PTCHD4: variants seen among roughly 807,000 people sequenced by gnomAD.
PTCHD4 encodes the protein patched domain containing 4, also known as patched domain-containing protein 4.
Under a neutral mutation model 58.1 loss-of-function variants are expected in PTCHD4, and 33 were observed. That is an observed-to-expected ratio of 0.57 (90% CI 0.43 to 0.76). The LOEUF is 0.76. PTCHD4 is among the 30% of genes least tolerant of loss of function. PTCHD4 has a pLI of 0.00. For synonymous variants in PTCHD4, 478 were observed against 409.6 expected, an observed-to-expected ratio of 1.17 and a Z score of -2.02; for missense variants, 1,058 against 1,027.1, an observed-to-expected ratio of 1.03 and a Z score of -0.41.
intron 3 of PTCHD4, among the ~76,000 whole-genome samples, chr6:48,051,349 G>A (rs867439180): frequency 2.6e-5 from 4 of 151,930 alleles, no homozygotes; most frequent in Non-Finnish European, 5.9e-5. Flanking sequence ...CTTAGCTATA[G>A]TTACTTCATA....
chr6:47,906,855 G>A (rs1263113234), intron 4 of PTCHD4, among the ~76,000 whole-genome samples: 1 of 151,998 alleles, frequency 6.6e-6, no homozygotes. Flanking sequence ...TCACTTTTGG[G>A]GAGCCCACTT....
chr6:48,093,472 G>A (rs1765405402), intron 1 of PTCHD4, among the ~76,000 whole-genome samples: 1 of 151,916 alleles, frequency 6.6e-6, no homozygotes. Context: ...CAAAGGTATT[G>A]GGGACTATGC....
intron 1 of PTCHD4, among the ~76,000 whole-genome samples, chr6:48,099,825 T>G (rs1765560341): frequency 6.6e-6 from 1 of 152,204 alleles, no homozygotes; most frequent in Admixed American, 6.5e-5. Flanking sequence ...AGAGATTTAA[T>G]GAACACCAGA....
chr6:47,901,932 A>T, intron 4 of PTCHD4: 1 of 1,301,514 alleles, frequency 7.7e-7, no homozygotes, highest in South Asian at 1.2e-5. Flanking sequence ...TTCAGTGGAG[A>T]TGCCTTAAAA....
At chr6:47,918,968 C>T (rs1765345192) in intron 4 of PTCHD4, among the ~76,000 whole-genome samples, 1 of 152,014 alleles carries the variant, frequency 6.6e-6, no homozygotes, top group Admixed American at 6.6e-5. Context: ...AGGTGCGAGC[C>T]ATAGTGAACT....
intron 4 of PTCHD4, among the ~76,000 whole-genome samples, chr6:47,995,360 C>T (rs891969968): frequency 6.6e-6 from 1 of 152,142 alleles, no homozygotes; most frequent in Non-Finnish European, 1.5e-5. Flanking sequence ...TTGAAAGGAA[C>T]AAAGAAATTC....
chr6:48,077,023 G>A (rs1021551875), intron 1 of PTCHD4, among the ~76,000 whole-genome samples: 1 of 152,168 alleles, frequency 6.6e-6, no homozygotes, highest in Non-Finnish European at 1.5e-5. Flanking sequence ...CTCAAATATA[G>A]AAGTATGTAG....
chr6:48,099,320 G>C (rs143080089), intron 1 of PTCHD4, among the ~76,000 whole-genome samples: 1 of 152,282 alleles, frequency 6.6e-6, no homozygotes, highest in African/African-American at 2.4e-5. Context: ...AGGCCATCTA[G>C]CCACTTTAGG....
At position 47,879,883 on chromosome 6, in the gene PTCHD4, C is replaced by T; in HGVS notation, c.952G>A (p.Glu318Lys). 1.9e-6 allele frequency: 3 copies of T among 1,590,310 alleles called. No homozygotes were observed. Among genetic ancestry groups the T allele is most frequent in the Non-Finnish European group, 2.6e-6 (3 of 1,167,630 alleles). Residue 318 changes from glutamate (E) to lysine (K), a missense_variant, in exon 5 of 5, where the codon GAG becomes AAG. Transcript: ENST00000339488. Reference sequence around the variant, plus strand: ...ATCCTGTCTTTGAAGGGCAAGTTCTCTTTGGTTCTCCGCCATCCGGACAGA... The same window carrying T: ...ATCCTGTCTTTGAAGGGCAAGTTCTTTTTGGTTCTCCGCCATCCGGACAGA... ...ELLSGWRRTK[E>K]NLPFKDRIAD...
chr6:47,881,561 A>G (rs902139560), intron 4 of PTCHD4, among the ~76,000 whole-genome samples: 2 of 152,174 alleles, frequency 1.3e-5, no homozygotes, highest in African/African-American at 4.8e-5. Context: ...AAGCCATTGT[A>G]GGTAACGCTG....
At chr6:47,899,691 C>T (rs1764637102) in intron 4 of PTCHD4, 2 of 368,294 alleles carry the variant, frequency 5.4e-6, no homozygotes, top group Non-Finnish European at 7.5e-6. Context: ...TTCTAGTATA[C>T]TACAAAGTTG....
chr6:48,049,740 G>A (rs555704000), intron 3 of PTCHD4, among the ~76,000 whole-genome samples: 57 of 152,014 alleles, frequency 3.7e-4, no homozygotes, highest in Admixed American at 2.2e-3. Context: ...GAACTACATC[G>A]TAAATTCTTT....
At chr6:48,018,629 T>G (rs1158608828) in intron 3 of PTCHD4, among the ~76,000 whole-genome samples, 2 of 152,230 alleles carry the variant, frequency 1.3e-5, no homozygotes, top group East Asian at 3.8e-4. Flanking sequence ...ATTAAATTAT[T>G]TCTTAGATAG....
chr6:48,087,538 T>G (rs1765286813), intron 1 of PTCHD4, among the ~76,000 whole-genome samples: 2 of 152,210 alleles, frequency 1.3e-5, no homozygotes, highest in Admixed American at 1.3e-4. Context: ...TTGCATACAT[T>G]GTCTTATTTA....
intron 4 of PTCHD4, among the ~76,000 whole-genome samples, chr6:47,982,636 C>A (rs1767926747): frequency 6.6e-6 from 1 of 152,016 alleles, no homozygotes; most frequent in Non-Finnish European, 1.5e-5. Context: ...CTACAGGCGC[C>A]CGCCACCAGG....
chr6:47,964,264 G>A (rs985637632), intron 4 of PTCHD4, among the ~76,000 whole-genome samples: 4 of 152,262 alleles, frequency 2.6e-5, no homozygotes, highest in Admixed American at 2.6e-4. Context: ...TAATGATAGT[G>A]TATTATGCAC....
At chr6:48,038,792 G>A (rs1259339820) in intron 3 of PTCHD4, among the ~76,000 whole-genome samples, 2 of 152,102 alleles carry the variant, frequency 1.3e-5, no homozygotes, top group African/African-American at 4.8e-5. Flanking sequence ...AAAAGATGGT[G>A]TGAGCTGTGG....
In PTCHD4 at chr6:47,875,949, G is replaced by C. The variant is rs1581808988; in HGVS notation, c.*2354C>G. On this transcript the variant is annotated 3_prime_UTR_variant, in exon 5 of 5. Transcript: ENST00000339488. Reference sequence around the variant, plus strand: ...CACAATGGGAAGAAAAGGAGTGATAGTTAATTAACTTTCTCAGTGATTATC... The same window carrying C: ...CACAATGGGAAGAAAAGGAGTGATACTTAATTAACTTTCTCAGTGATTATC... Among the ~76,000 whole-genome samples, 1 of 151,770 alleles carries C rather than the reference G, an allele frequency of 6.6e-6. No homozygotes were observed. The highest frequency in any genetic ancestry group is 2.1e-4 in the South Asian group (1 of 4,824).
At chr6:47,945,135 G>T (rs970374119) in intron 4 of PTCHD4, among the ~76,000 whole-genome samples, 2 of 151,984 alleles carry the variant, frequency 1.3e-5, no homozygotes, top group Non-Finnish European at 2.9e-5. Context: ...AACCGAGAAG[G>T]AAAATTTTAC....
Sources: allele counts gnomAD v4.1 joint callset (sites outside exome capture counted in the v4.1 genomes callset), GRCh38; gene constraint gnomAD v4.1.1; transcripts MANE v1.5; gene names NCBI Gene and HGNC (gene_info 2026-07-23, HGNC 2026-07-21).